The following EDARADD variants were observed in gnomAD, a reference collection of about 807,000 sequenced individuals.
The protein encoded by EDARADD is EDAR associated via death domain, also known as ectodysplasin-A receptor-associated adapter protein.
In EDARADD, 20 loss-of-function variants were observed where a neutral mutation model predicts 25.6. The observed-to-expected ratio is 0.78, with a 90% CI of 0.55 to 1.14. The LOEUF is 1.14. Among genes scored for constraint, EDARADD ranks in the 50% most tolerant of loss-of-function variants. The pLI, the probability that EDARADD is intolerant of heterozygous loss-of-function variation, is 0.00. For missense variants in EDARADD, 225 were observed against 270.1 expected (o/e 0.83, Z 1.17); for synonymous variants, 86 against 94.4 (o/e 0.91, Z 0.52).
chr1:236,460,126 G>A (rs1356261702), intron 4 of EDARADD, among the ~76,000 whole-genome samples: 1 of 151,726 alleles, frequency 6.6e-6, no homozygotes, highest in Non-Finnish European at 1.5e-5. Context: ...TCTTACACTG[G>A]GCAGTAAGTA....
chr1:236,464,525 C>T (rs964459654), intron 4 of EDARADD, among the ~76,000 whole-genome samples: 3 of 147,156 alleles, frequency 2.0e-5, no homozygotes, highest in Non-Finnish European at 3.0e-5. Flanking sequence ...CTCCGCCTCC[C>T]GGGTTCAGGT....
intron 3 of EDARADD, among the ~76,000 whole-genome samples, chr1:236,418,074 C>T (rs1163090546): frequency 6.6e-6 from 1 of 151,812 alleles, no homozygotes; most frequent in Non-Finnish European, 1.5e-5. Context: ...CTGCCTCAGC[C>T]TCCCGAATAG....
chr1:236,451,157 A>G (rs1309370532), intron 4 of EDARADD, among the ~76,000 whole-genome samples: 4 of 152,164 alleles, frequency 2.6e-5, no homozygotes, highest in Non-Finnish European at 4.4e-5. Flanking sequence ...TGGAAACATG[A>G]TGATAGAATC....
intron 4 of EDARADD, among the ~76,000 whole-genome samples, chr1:236,466,465 A>ACACT (rs1659192949): frequency 6.6e-6 from 1 of 151,698 alleles, no homozygotes; most frequent in African/African-American, 2.4e-5. Context: ...ACACACTCAC[A>ACACT]CTCACACACT....
rs367660274 is a variant in EDARADD at position 236,363,192 on chromosome 1, A to C, written c.-6+12353A>C. 7.4e-5 allele frequency among the ~76,000 whole-genome samples: 11 copies of C among 148,874 alleles called. No homozygotes were observed. In the South Asian group the frequency reaches 1.9e-3, roughly 26 times the overall value. On this transcript the variant is annotated intron_variant, in intron 3 of 7. Coordinates refer to the EDARADD transcript ENST00000439430. ...CCAGAGGCCCAGATCTATTTCTGAC[A>C]TCTCTACTCTCTTTCATTGATCCAT...
intron 3 of EDARADD, among the ~76,000 whole-genome samples, chr1:236,387,039 G>A (rs1217053901): frequency 1.1e-3 from 35 of 30,932 alleles, no homozygotes; most frequent in Admixed American, 1.8e-3. Flanking sequence ...CCCCATCCGG[G>A]AGGGAGGTGG....
intron 3 of EDARADD, among the ~76,000 whole-genome samples, chr1:236,388,291 C>T (rs1358875912): frequency 1.3e-5 from 2 of 152,078 alleles, no homozygotes; most frequent in Non-Finnish European, 2.9e-5. Context: ...TACCAATATT[C>T]AGTGTTTTAA....
intron 4 of EDARADD, among the ~76,000 whole-genome samples, chr1:236,452,858 A>T (rs1173257153): frequency 1.3e-5 from 2 of 152,098 alleles, no homozygotes; most frequent in Non-Finnish European, 2.9e-5. Context: ...CCCATCTCAC[A>T]TCCTCCTATA....
chr1:236,357,427 C>G (rs1225474320), intron 3 of EDARADD, among the ~76,000 whole-genome samples: 1 of 152,162 alleles, frequency 6.6e-6, no homozygotes, highest in African/African-American at 2.4e-5. Context: ...AGTCAGTTAT[C>G]TTTCAGTTGT....
At chr1:236,412,928 G>A (rs932055911) in intron 2 of EDARADD, among the ~76,000 whole-genome samples, 1 of 152,200 alleles carries the variant, frequency 6.6e-6, no homozygotes, top group Non-Finnish European at 1.5e-5. Flanking sequence ...GAGTGCGATG[G>A]CACGATCTCA....
In EDARADD at chr1:236,350,097, C is replaced by T. The variant is rs544519081; in HGVS notation, c.-141-607C>T. Among the ~76,000 whole-genome samples the T allele has an allele frequency of 3.3e-5, 5 of 152,016 alleles. No homozygotes were observed. In the East Asian group the frequency reaches 7.7e-4, roughly 24 times the overall value. ...CTCTAGCCTGGCGACAGAGTGAGAC[C>T]CTGTCTCAAAAAAACAAAAACAAAA... On this transcript the variant is annotated intron_variant, in intron 2 of 7. Transcript: ENST00000439430.
intron 4 of EDARADD, among the ~76,000 whole-genome samples, chr1:236,450,874 CTTATGCAGAATGTACCATTA>C (rs1370494556): frequency 6.6e-6 from 1 of 152,060 alleles, no homozygotes; most frequent in South Asian, 2.1e-4. Flanking sequence ...TCAAAATGAC[CTTATGCAGAATGTACCATTA>C]TTATGCTCAC....
chr1:236,377,607 C>A (rs1667238551), intron 3 of EDARADD, among the ~76,000 whole-genome samples: 1 of 151,518 alleles, frequency 6.6e-6, no homozygotes, highest in Admixed American at 6.6e-5. Context: ...CGCCTGTAAT[C>A]CCAGCACTTT....
chr1:236,390,540 G>A (rs933249350), upstream of EDARADD, among the ~76,000 whole-genome samples: 2 of 152,018 alleles, frequency 1.3e-5, no homozygotes, highest in Non-Finnish European at 2.9e-5. Flanking sequence ...GGGACAGAGC[G>A]AGACTCCGTC....
chr1:236,377,782 C>T (rs1443132098), intron 3 of EDARADD, among the ~76,000 whole-genome samples: 10 of 151,688 alleles, frequency 6.6e-5, no homozygotes, highest in South Asian at 4.2e-4. Context: ...CGCTTGAACC[C>T]GGGAGGCAGA....
chr1:236,433,309 C>A (rs1240564081), intron 4 of EDARADD, among the ~76,000 whole-genome samples: 2 of 121,242 alleles, frequency 1.6e-5, no homozygotes, highest in Non-Finnish European at 3.2e-5. Context: ...GTAATCCCAG[C>A]ACTTTGGGGG....
At chr1:236,434,048 G>A (rs112346405) in intron 4 of EDARADD, among the ~76,000 whole-genome samples, 9 of 152,224 alleles carry the variant, frequency 5.9e-5, no homozygotes, top group East Asian at 1.9e-4. Context: ...ATGGCAGCAC[G>A]GTATGCCCAT....
At chr1:236,439,708 T>C (rs1658352207) in intron 4 of EDARADD, among the ~76,000 whole-genome samples, 1 of 152,250 alleles carries the variant, frequency 6.6e-6, no homozygotes, top group South Asian at 2.1e-4. Flanking sequence ...ATGTTCTTAT[T>C]GTTGAGTTTA....
chr1:236,418,098 C>T (rs767920075), intron 3 of EDARADD, among the ~76,000 whole-genome samples: 4 of 151,800 alleles, frequency 2.6e-5, no homozygotes, highest in Non-Finnish European at 5.9e-5. Context: ...GGACTATAGG[C>T]GCCCACCACC....
Sources: allele counts gnomAD v4.1 joint callset (sites outside exome capture counted in the v4.1 genomes callset), GRCh38; gene constraint gnomAD v4.1.1; transcripts MANE v1.5; gene names NCBI Gene and HGNC (gene_info 2026-07-23, HGNC 2026-07-21).